Variants in EXOC7 observed in about 807,000 individuals in gnomAD.
EXOC7 encodes the protein exocyst complex component Exo70.
Under a neutral mutation model 87.6 loss-of-function variants are expected in EXOC7, and 51 were observed. That is an observed-to-expected ratio of 0.58 (90% CI 0.46 to 0.73). The LOEUF is 0.73. Ranked by LOEUF, EXOC7 falls within the 30% of genes least tolerant of loss-of-function variation. EXOC7 has a pLI of 0.00. For synonymous variants in EXOC7, 327 were observed against 357.1 expected (o/e 0.92, Z 0.95); for missense variants, 744 against 888.4 (o/e 0.84, Z 2.07).
At chr17:76,089,526 T>C in intron 7 of EXOC7, 1 of 613,712 alleles carries the variant, frequency 1.6e-6, no homozygotes. Flanking sequence ...CCAGCCTTTG[T>C]TCTGGCTTCA....
chr17:76,087,131 C>G, intron 12 of EXOC7: 1 of 489,966 alleles, frequency 2.0e-6, no homozygotes, highest in South Asian at 2.2e-5. Context: ...CCACAGGCTC[C>G]TTGCCCCCAA....
At chr17:76,096,175 C>G (rs1184853683) in intron 5 of EXOC7, among the ~76,000 whole-genome samples, 1 of 152,288 alleles carries the variant, frequency 6.6e-6, no homozygotes, top group East Asian at 1.9e-4. Flanking sequence ...GCGCTGACAA[C>G]TTGGTATGTG....
Position 76,088,074 on chromosome 17 carries a change from C to A in EXOC7, c.1348G>T (p.Glu450Ter). The change falls in exon 11 of 19, where the codon GAG (glutamate) becomes TAG (stop). Residue 450 changes from glutamate (E) to a stop codon, truncating the protein, a stop_gained. Coordinates refer to ENST00000589210, the MANE Select transcript of EXOC7 (RefSeq NM_001013839.4). LOFTEE classifies it high-confidence loss of function. ...YNMPKDGTVH[E>*]LTSNAILFLQ... ...GCAGCACCCACATTGCTGGTGAGCT[C>A]GTGTACGGTGCCGTCCTTCGGCATG... The A allele has an allele frequency of 1.2e-6, 2 of 1,614,056 alleles. No homozygotes were observed. The highest frequency in any genetic ancestry group is 2.2e-5 in the South Asian group (2 of 91,084).
rs1176137591 is a variant in EXOC7 at position 76,091,255 on chromosome 17, G to T, written c.809-20C>A. 1.2e-6 allele frequency: 2 copies of T among 1,608,646 alleles called. No homozygotes were observed. Among genetic ancestry groups the T allele is most frequent in the South Asian group, 1.1e-5 (1 of 90,992 alleles). On this transcript the variant is annotated intron_variant, in intron 6 of 18. Transcript: ENST00000589210. Reference sequence around the variant, plus strand: ...TCGTCCCTGTCACCAGAGCCACACAGAGAGGAGATAAGAAGACCTAGGAAA... The same window carrying T: ...TCGTCCCTGTCACCAGAGCCACACATAGAGGAGATAAGAAGACCTAGGAAA...
In EXOC7 at chr17:76,082,793, C is replaced by A; in HGVS notation, c.*855G>T. ...ACAAGCACAGAGCGTGAAATAAACC[C>A]ATCTCCAGTGCAAGTGTGCCTCAAG... On this transcript the variant is annotated 3_prime_UTR_variant, in exon 19 of 19. Coordinates refer to ENST00000589210, the MANE Select transcript of EXOC7 (RefSeq NM_001013839.4). 2.5e-6 allele frequency: 2 copies of A among 784,420 alleles called. No homozygotes were observed. Among genetic ancestry groups the A allele is most frequent in the Non-Finnish European group, 3.8e-6 (2 of 531,214 alleles). The allele number at this position is 784,420 out of a possible 1,614,324, so 48.6% of individuals were successfully genotyped here. A position where few individuals can be genotyped will look rare whatever the true frequency, so the allele number is the denominator to read the frequency against.
chr17:76,095,741 A>G (rs1281630380), intron 5 of EXOC7, among the ~76,000 whole-genome samples: 1 of 152,226 alleles, frequency 6.6e-6, no homozygotes, highest in Non-Finnish European at 1.5e-5. Flanking sequence ...CAAGAAGGTT[A>G]CAAGTATCTT....
chr17:76,090,731 G>T, intron 7 of EXOC7: 5 of 562,292 alleles, frequency 8.9e-6, no homozygotes, highest in Non-Finnish European at 1.6e-5. Context: ...GCTGTATTTG[G>T]GGAAAGCCCC....
intron 8 of EXOC7, 106 bp downstream of exon 8, chr17:76,089,069 C>A: frequency 6.4e-7 from 1 of 1,550,476 alleles, no homozygotes; most frequent in Non-Finnish European, 8.8e-7. Context: ...CAGGACCGGT[C>A]CCCAGGGCAC....
intron 4 of EXOC7, among the ~76,000 whole-genome samples, chr17:76,100,527 G>T (rs967184316): frequency 6.6e-6 from 1 of 151,768 alleles, no homozygotes; most frequent in African/African-American, 2.4e-5. Flanking sequence ...CAGCTACTCA[G>T]GAGGCTGAGG....
At chr17:76,100,515 C>T (rs2068006548) in intron 4 of EXOC7, among the ~76,000 whole-genome samples, 1 of 151,848 alleles carries the variant, frequency 6.6e-6, no homozygotes, top group Admixed American at 6.6e-5. Context: ...CGCACACCCT[C>T]CCAGCTACTC....
rs950822879 is a variant in EXOC7 at position 76,099,734 on chromosome 17, A to G, written c.417+1537T>C. On this transcript the variant is annotated intron_variant, in intron 4 of 18. Coordinates refer to ENST00000589210, the MANE Select transcript of EXOC7 (RefSeq NM_001013839.4). ...AGGCAAATCCATAAAGACAGAAAAT[A>G]GATTTGTGATTTCCAGAGGCCAAGT... Among the ~76,000 whole-genome samples, 9 of 152,222 alleles carry G rather than the reference A, an allele frequency of 5.9e-5. No individual in the cohort carries two copies. The East Asian group carries it at 7.7e-4, about 13-fold the overall frequency.
intron 8 of EXOC7, 80 bp from the exon 9 acceptor site, chr17:76,089,003 T>C: frequency 6.7e-7 from 1 of 1,482,848 alleles, no homozygotes. Flanking sequence ...CCTTGCAGTA[T>C]GTAGGGGGGC....
At chr17:76,088,404 G>A in intron 10 of EXOC7, 60 bp downstream of exon 10, 1 of 1,528,492 alleles carries the variant, frequency 6.5e-7, no homozygotes, top group Admixed American at 1.8e-5. Flanking sequence ...GAGTCCCCCA[G>A]GGCCAGGTCA....
intron 15 of EXOC7, chr17:76,085,096 C>T (rs1219828451): frequency 3.5e-6 from 2 of 572,922 alleles, no homozygotes; most frequent in East Asian, 2.9e-5. Flanking sequence ...TGGCAGACTC[C>T]CCTCTAAAGT....
chr17:76,098,146 T>C (rs1272979727), intron 4 of EXOC7, 128 bp from the exon 5 acceptor site: 4 of 722,266 alleles, frequency 5.5e-6, no homozygotes, highest in Non-Finnish European at 8.9e-6. Flanking sequence ...CTGATATCTT[T>C]TTTTTTTTTG....
chr17:76,088,676 C>G, intron 9 of EXOC7, 95 bp downstream of exon 9: 1 of 1,598,242 alleles, frequency 6.3e-7, no homozygotes, highest in South Asian at 1.1e-5. Flanking sequence ...AAGTGTGGGA[C>G]AGAGAATGGG....
chr17:76,098,064 C>G, intron 4 of EXOC7, 46 bp from the exon 5 acceptor site: 2 of 1,552,870 alleles, frequency 1.3e-6, no homozygotes, highest in Non-Finnish European at 1.8e-6. Context: ...CTTCAGTGTT[C>G]TGCCAGTCCT....
In EXOC7 at chr17:76,083,471, G is replaced by C; in HGVS notation, c.*177C>G. 2 of 630,134 alleles carry C rather than the reference G, an allele frequency of 3.2e-6. No homozygotes were observed. The highest frequency in any genetic ancestry group is 5.6e-5 in the East Asian group (2 of 36,002). The allele number at this position is 630,134 out of a possible 1,614,324, so 39.0% of individuals were successfully genotyped here. On this transcript the variant is annotated 3_prime_UTR_variant, in exon 19 of 19. Transcript: ENST00000589210. ...GCTGGTTCGGCTGGGAACACGGGCT[G>C]TGGGGAAAAAGCAGGAGCCAGGACT...
In EXOC7 at chr17:76,101,691, ATCT is replaced by A. The variant is rs774434434; in HGVS notation, c.296_298del (p.Lys99del). 3 of 1,612,934 alleles carry A rather than the reference ATCT, an allele frequency of 1.9e-6. No homozygotes were observed. In the Admixed American group the frequency reaches 5.0e-5, roughly 27 times the overall value. On this transcript the variant is annotated inframe_deletion, in exon 3 of 19. Coordinates refer to ENST00000589210, the MANE Select transcript of EXOC7 (RefSeq NM_001013839.4). Reference sequence around the variant, plus strand: ...CTCACTCACTCACCCCTCTCTGATGATCTTCTCAGTGTCACTGGCCACATGGTA... The same window carrying A: ...CTCACTCACTCACCCCTCTCTGATGATCTCAGTGTCACTGGCCACATGGTA...
Sources: gnomAD v4.1 joint callset for allele counts (sites outside exome capture counted in the v4.1 genomes callset) on GRCh38, gnomAD v4.1.1 for gene constraint, MANE v1.5 for transcripts, NCBI Gene and HGNC (gene_info 2026-07-23, HGNC 2026-07-21) for gene names.